The following KALRN variants were observed in gnomAD, a reference collection of about 807,000 sequenced individuals.
KALRN encodes kalirin RhoGEF kinase.
In KALRN, 70 loss-of-function variants were observed where a neutral mutation model predicts 353.7. The ratio of observed to expected loss-of-function variants is 0.20; its 90% CI spans 0.16 to 0.24. KALRN has a LOEUF of 0.24. KALRN is among the 10% of genes least tolerant of loss of function. The pLI is 1.00. For synonymous variants in KALRN, 1,391 were observed against 1,434.8 expected (o/e 0.97, Z 0.69); for missense variants, 2,791 against 3,756.7 (o/e 0.74, Z 6.72).
chr3:124,235,235 G>A (rs1432161395), intron 3 of KALRN, among the ~76,000 whole-genome samples: 1 of 152,166 alleles, frequency 6.6e-6, no homozygotes, highest in African/African-American at 2.4e-5. Context: ...TTTTCAGTGG[G>A]AGTGATATTG....
intron 34 of KALRN, among the ~76,000 whole-genome samples, chr3:124,582,017 T>A (rs4678139): frequency 0.26 from 37,354 of 144,784 alleles, 4,832 homozygotes; most frequent in East Asian, 0.33. Flanking sequence ...CAACATGAGC[T>A]ATTTTTTTTT....
intron 12 of KALRN, among the ~76,000 whole-genome samples, chr3:124,397,040 C>A (rs534473553): frequency 1.3e-5 from 2 of 152,220 alleles, no homozygotes; most frequent in Non-Finnish European, 2.9e-5. Flanking sequence ...CCTAAGGGAG[C>A]TTTTGCATCA....
intron 1 of KALRN, among the ~76,000 whole-genome samples, chr3:124,220,199 T>A (rs1320155373): frequency 6.6e-6 from 1 of 152,142 alleles, no homozygotes; most frequent in African/African-American, 2.4e-5. Flanking sequence ...CACTTGGGCC[T>A]CCCAAAGTGC....
At chr3:124,330,793 G>A (rs2080469046) in intron 8 of KALRN, among the ~76,000 whole-genome samples, 1 of 152,186 alleles carries the variant, frequency 6.6e-6, no homozygotes, top group African/African-American at 2.4e-5. Context: ...CAACCCATGT[G>A]TTTCCTCTGG....
chr3:124,474,686 A>T lies in KALRN; in HGVS notation c.4055A>T (p.Lys1352Met). ...AGCATCTTCCTCAAAGAGCTGGAGA[A>T]GTACGAGCAACTGCCTGAGGATGTG... is the stretch of plus-strand genomic sequence containing the variant. ...HNNIFLKELE[K>M]YEQLPEDVGH... The change falls in exon 26 of 60, where the codon AAG becomes ATG. Residue 1352 changes from lysine (K) to methionine (M), a missense_variant. Coordinates refer to ENST00000682506, the MANE Select transcript of KALRN (RefSeq NM_001388419.1). The T allele has an allele frequency of 6.2e-7, 1 of 1,614,116 alleles. No homozygotes were observed. Among genetic ancestry groups the T allele is most frequent in the South Asian group, 1.1e-5 (1 of 91,080 alleles).
At chr3:124,613,212 ATG>A (rs1331753820) in intron 34 of KALRN, among the ~76,000 whole-genome samples, 1 of 151,578 alleles carries the variant, frequency 6.6e-6, no homozygotes, top group African/African-American at 2.4e-5. Flanking sequence ...AAAAAAAAAT[ATG>A]TCTTACACTC....
chr3:124,673,325 A>G (rs1170751998), intron 48 of KALRN, among the ~76,000 whole-genome samples: 2 of 152,090 alleles, frequency 1.3e-5, no homozygotes, highest in African/African-American at 2.4e-5. Context: ...AGTCGAGGCT[A>G]CAGTGAGCTA....
In KALRN at chr3:124,266,337, C is replaced by T. The variant is rs13058821; in HGVS notation, c.456+1647C>T. Reference sequence around the variant, plus strand: ...AAGATGTTAGTGATGGTTTATTCTACGTGACTGGATAGTGGATGGTTTTTA... The same window carrying T: ...AAGATGTTAGTGATGGTTTATTCTATGTGACTGGATAGTGGATGGTTTTTA... On this transcript the variant is annotated intron_variant, in intron 4 of 59. Transcript: ENST00000682506. 4.7e-3 allele frequency among the ~76,000 whole-genome samples: 720 copies of T among 151,950 alleles called. 3 individuals carry two copies. Among genetic ancestry groups the T allele is most frequent in the Middle Eastern group, 0.014 (4 of 290 alleles).
chr3:124,546,816 G>T (rs550557979), intron 33 of KALRN, among the ~76,000 whole-genome samples: 3 of 152,280 alleles, frequency 2.0e-5, no homozygotes, highest in Admixed American at 6.5e-5. Context: ...GTTTAGGAAG[G>T]TCTTAGCTGT....
intron 28 of KALRN, among the ~76,000 whole-genome samples, chr3:124,483,701 G>T (rs1426345260): frequency 4.6e-5 from 7 of 152,130 alleles, no homozygotes; most frequent in African/African-American, 1.2e-4. Flanking sequence ...ATAGTCAAAG[G>T]GTACATATTA....
intron 31 of KALRN, 85 bp from the exon 32 acceptor site, chr3:124,492,652 CAGA>C (rs2063294164): frequency 2.2e-6 from 3 of 1,334,048 alleles, no homozygotes; most frequent in Non-Finnish European, 3.1e-6. Flanking sequence ...TTGAAAATAA[CAGA>C]TGAAGACTGC....
rs769618560 is a variant in KALRN at position 124,439,054 on chromosome 3, A to T, written c.3198+17A>T. The T allele has an allele frequency of 3.9e-5, 63 of 1,612,306 alleles. No individual in the cohort carries two copies. Among genetic ancestry groups the T allele is most frequent in the Non-Finnish European group, 5.2e-5 (61 of 1,178,736 alleles). On this transcript the variant is annotated intron_variant, in intron 18 of 59. Transcript: ENST00000682506. ...TTTCTTAAGGTCAGAGCACATTGTC[A>T]TGCAAGGGCTCAGACTCCTGGCCTT... is the stretch of plus-strand genomic sequence containing the variant.
chr3:124,309,598 AG>A (rs2078048180), intron 6 of KALRN, among the ~76,000 whole-genome samples: 1 of 152,192 alleles, frequency 6.6e-6, no homozygotes, highest in Non-Finnish European at 1.5e-5. Context: ...AGCAACATAT[AG>A]AAAGAATTAC....
At chr3:124,281,634 G>A (rs546810923) in intron 5 of KALRN, among the ~76,000 whole-genome samples, 1 of 152,216 alleles carries the variant, frequency 6.6e-6, no homozygotes, top group Non-Finnish European at 1.5e-5. Flanking sequence ...GTTCTGCCCT[G>A]TTGGAGGTGC....
intron 43 of KALRN, 104 bp from the exon 44 acceptor site, chr3:124,660,819 G>T (rs772720877): frequency 2.0e-5 from 16 of 803,256 alleles, no homozygotes; most frequent in Non-Finnish European, 3.5e-5. Flanking sequence ...TGCTGGGAAG[G>T]AAAGTCTCCA....
intron 10 of KALRN, among the ~76,000 whole-genome samples, chr3:124,375,308 C>T (rs939808505): frequency 6.6e-6 from 1 of 152,210 alleles, no homozygotes; most frequent in Admixed American, 6.5e-5. Flanking sequence ...CCTAATTGCT[C>T]AGCTATCTTT....
At chr3:124,383,456 T>G (rs759309036) in intron 10 of KALRN, among the ~76,000 whole-genome samples, 1 of 152,228 alleles carries the variant, frequency 6.6e-6, no homozygotes, top group Non-Finnish European at 1.5e-5. Flanking sequence ...CCTGTGCCTT[T>G]TTCTCAACTT....
chr3:124,199,949 T>G (rs2075806825), intron 1 of KALRN, among the ~76,000 whole-genome samples: 1 of 152,062 alleles, frequency 6.6e-6, no homozygotes, highest in African/African-American at 2.4e-5. Flanking sequence ...TTGGCAAGAG[T>G]AAGAGGTTCC....
At chr3:124,518,629 G>T in intron 33 of KALRN, 3 of 1,490,606 alleles carry the variant, frequency 2.0e-6, no homozygotes, top group Non-Finnish European at 2.7e-6. Context: ...AAATCTCCCC[G>T]CCTGGGCCAT....
Sources: gnomAD v4.1 joint callset for allele counts (sites outside exome capture counted in the v4.1 genomes callset) on GRCh38, gnomAD v4.1.1 for gene constraint, MANE v1.5 for transcripts, NCBI Gene and HGNC (gene_info 2026-07-23, HGNC 2026-07-21) for gene names.